AP4M1: variants seen among roughly 807,000 people sequenced by gnomAD.
AP4M1 encodes adaptor related protein complex 4 subunit mu 1.
A neutral mutation model predicts 62.4 loss-of-function variants in AP4M1; 58 were observed. The ratio of observed to expected loss-of-function variants is 0.93; its 90% CI spans 0.75 to 1.16. AP4M1 has a LOEUF of 1.16. Among genes scored for constraint, AP4M1 ranks in the 50% most tolerant of loss-of-function variants. The pLI is 0.00. For synonymous variants in AP4M1, 290 were observed against 239.7 expected (o/e 1.21, Z -1.94); for missense variants, 626 against 585.4 (o/e 1.07, Z -0.72).
chr7:100,101,337 T>G (rs780947160), upstream of AP4M1: 25 of 1,611,978 alleles, frequency 1.6e-5, no homozygotes, highest in Admixed American at 2.0e-4. Context: ...GGCTCAGAGG[T>G]CTTGCTCCTG....
At chr7:100,102,390 CGGGGTA>C in intron 2 of AP4M1, 1 of 464,184 alleles carries the variant, frequency 2.2e-6, no homozygotes, top group South Asian at 2.1e-5. Flanking sequence ...GACTCCCTCT[CGGGGTA>C]GGTGGGGGTG....
Position 100,107,400 on chromosome 7 carries a change from G to T in AP4M1, c.*518G>T. ...CGGGGACGATGCCGGGGGAGGAACT[G>T]GAGAAGGATGGGAGGTGGGGCCTCC... On this transcript the variant is annotated 3_prime_UTR_variant, in exon 15 of 15. Transcript: ENST00000359593. The T allele has an allele frequency of 6.2e-7, 1 of 1,602,286 alleles. No homozygotes were observed.
intron 14 of AP4M1, 48 bp downstream of exon 14, chr7:100,106,562 G>GCCCCCCCCCCCC: frequency 7.9e-6 from 12 of 1,514,818 alleles, no homozygotes; most frequent in Non-Finnish European, 1.0e-5. Context: ...TTCACTTGCA[G>GCCCCCCCCCCCC]CCCCCACCCC....
rs1327799067 is a variant in AP4M1, at chr7:100,106,283, G to A, written c.1017G>A (p.Gly339=). 2 of 1,613,906 alleles carry A rather than the reference G, an allele frequency of 1.2e-6. No individual in the cohort carries two copies. The highest frequency in any genetic ancestry group is 1.7e-5 in the Admixed American group (1 of 59,994). Residue 339 remains glycine (G), a synonymous_variant, in exon 13 of 15, where the codon GGG becomes GGA. Transcript: ENST00000359593. ...GGCTGCACCTCCCCCTGCCTCGAGG[G>A]GTGGTCAGGTGAGTGTGTGCACCCA... ...NVRLHLPLPR[G]VVSLSQELSS... is the part of the protein sequence containing the mutation.
At chr7:100,100,869 A>C, upstream of AP4M1, 2 of 1,032,248 alleles carry the variant, frequency 1.9e-6, no homozygotes, top group Non-Finnish European at 1.2e-6. Context: ...CCCGGGGCCT[A>C]CGCGCGCCTG....
chr7:100,101,749 G>A lies in AP4M1; in HGVS notation c.35G>A (p.Gly12Glu). 6.2e-7 allele frequency: 1 copy of A among 1,613,852 alleles called. No individual in the cohort carries two copies. Among genetic ancestry groups the A allele is most frequent in the Non-Finnish European group, 8.5e-7 (1 of 1,179,870 alleles). Residue 12 changes from glycine to glutamate, a missense_variant, in exon 1 of 15, where the codon GGG becomes GAG. Coordinates refer to ENST00000359593, the MANE Select transcript of AP4M1 (RefSeq NM_004722.4). The stretch of plus-strand genomic sequence containing the variant: ...CAATTCTTCATTCTGTCCTCCAAGG[G>A]GGACCCGCTCATCTACAAAGACTGT... ...ISQFFILSSK[G>E]DPLIYKDFRG...
rs111787773 is a variant in AP4M1 at position 100,107,240 on chromosome 7, G to A, written c.*358G>A. 48 of 1,521,190 alleles carry A rather than the reference G, an allele frequency of 3.2e-5. No homozygotes were observed. Among genetic ancestry groups the A allele is most frequent in the Non-Finnish European group, 4.2e-5 (48 of 1,137,936 alleles). 94.2% of individuals were successfully genotyped at this position (1,521,190 alleles called of 1,614,324 possible). ...TGTGGGAATCCGGGGGCTGGCAGGT[G>A]GAGCATCACGGAGCAGGCTGAGGGG... On this transcript the variant is annotated 3_prime_UTR_variant, in exon 15 of 15. Transcript: ENST00000359593.
In AP4M1 at chr7:100,105,098, G is replaced by A. The variant is rs1554380093; in HGVS notation, c.727G>A (p.Gly243Ser). The A allele has an allele frequency of 6.2e-7, 1 of 1,614,146 alleles. No individual in the cohort carries two copies. Among genetic ancestry groups the A allele is most frequent in the South Asian group, 1.1e-5 (1 of 91,088 alleles). The change falls in exon 9 of 15, where the codon GGT (glycine) becomes AGT (serine). Residue 243 changes from glycine (G) to serine (S), a missense_variant and splice_region_variant. Physicochemically the swap from Gly to Ser is moderately conservative, Grantham distance 56. Transcript: ENST00000359593. ...TTGTGTGGGGAAGTCAGAGCTGAGA[G>A]GTGAGGAGAAAGTGGGTCTTTCTCC... ...EFCVGKSELR[G>S]YGPGIRVDEV... is the part of the protein sequence containing the mutation.
Position 100,105,504 on chromosome 7 carries a change from C to G in AP4M1, c.894C>G (p.Leu298=), listed in dbSNP as rs747839303. Residue 298 remains leucine, a synonymous_variant, in exon 11 of 15, where the codon CTC becomes CTG. Transcript: ENST00000359593. ...DDLPSPLPFR[L]FPSVQWDRGS... ...TCCCCTCACCGCTCCCCTTCCGGCT[C>G]TTCCCCTCTGTGCAGTGGGACCGAG... 1 of 1,613,860 alleles carries G rather than the reference C, an allele frequency of 6.2e-7. No individual in the cohort carries two copies. Among genetic ancestry groups the G allele is most frequent in the Non-Finnish European group, 8.5e-7 (1 of 1,180,050 alleles).
intron 2 of AP4M1, 148 bp from the exon 3 acceptor site, chr7:100,102,527 G>A: frequency 1.4e-6 from 1 of 719,180 alleles, no homozygotes; most frequent in South Asian, 1.5e-5. Flanking sequence ...ACATTGGGAA[G>A]CTGGGCCCAG....
chr7:100,106,747 C>T lies in AP4M1; in HGVS notation c.1227C>T (p.Phe409=), dbSNP rs778934013. 3.3e-5 allele frequency: 53 copies of T among 1,613,944 alleles called. No individual in the cohort carries two copies. The highest frequency in any genetic ancestry group is 3.8e-5 in the Non-Finnish European group (45 of 1,180,052). ...PLGLGPASLS[F]ELPRHTCSGL... ...GGCTGGGCCCTGCCAGTCTCTCCTT[C>T]GAGCTTCCCCGGCACACGTGCTCTG... The change falls in exon 15 of 15, where the codon TTC becomes TTT. Residue 409 remains phenylalanine (F), a synonymous_variant. Transcript: ENST00000359593.
chr7:100,102,115 T>G (rs1796093684), intron 2 of AP4M1, 147 bp downstream of exon 2: 1 of 892,282 alleles, frequency 1.1e-6, no homozygotes. Context: ...GCGCGGTGGC[T>G]CACGCCTGTA....
In AP4M1 at chr7:100,105,944, T is replaced by C. The variant is rs1796436026; in HGVS notation, c.930-15T>C. On this transcript the variant is annotated splice_polypyrimidine_tract_variant and intron_variant, in intron 11 of 14. Transcript: ENST00000359593. Reference sequence around the variant, plus strand: ...GAAGATGGCCTGAGTCGTGGTGTTTTACCCTCTCATCCAGGCTCCAGGTTT... The same window carrying C: ...GAAGATGGCCTGAGTCGTGGTGTTTCACCCTCTCATCCAGGCTCCAGGTTT... 1 of 1,614,004 alleles carries C rather than the reference T, an allele frequency of 6.2e-7. No homozygotes were observed. The highest frequency in any genetic ancestry group is 8.5e-7 in the Non-Finnish European group (1 of 1,179,980).
intron 2 of AP4M1, 79 bp downstream of exon 2, chr7:100,102,047 C>A (rs1461934645): frequency 2.0e-6 from 3 of 1,495,600 alleles, no homozygotes; most frequent in South Asian, 1.1e-5. Context: ...AGGACTGGTT[C>A]ATTGGTAGAT....
chr7:100,102,135 C>T (rs1420303593), intron 2 of AP4M1, 167 bp downstream of exon 2: 1 of 745,246 alleles, frequency 1.3e-6, no homozygotes, highest in East Asian at 2.7e-5. Context: ...AATCCCAGCA[C>T]TTTGGGAGAC....
At position 100,108,123 on chromosome 7, in the gene AP4M1, G is replaced by A. The variant is rs1230633909; in HGVS notation, c.*1241G>A. 3 of 1,593,810 alleles carry A rather than the reference G, an allele frequency of 1.9e-6. No homozygotes were observed. Among genetic ancestry groups the A allele is most frequent in the East Asian group, 4.5e-5 (2 of 44,332 alleles). Reference sequence around the variant, plus strand: ...TGCGAGAGGGTCAGCGTGGGCCGGGGCTGCGGGGAGAAGAGGAAAGGGGGA... The same window carrying A: ...TGCGAGAGGGTCAGCGTGGGCCGGGACTGCGGGGAGAAGAGGAAAGGGGGA... On this transcript the variant is annotated 3_prime_UTR_variant, in exon 15 of 15. Coordinates refer to ENST00000359593, the MANE Select transcript of AP4M1 (RefSeq NM_004722.4).
Position 100,107,801 on chromosome 7 carries a change from T to TGGGC in AP4M1, c.*921_*924dup, listed in dbSNP as rs1796701197. The TGGGC allele has an allele frequency of 7.2e-7, 1 of 1,382,428 alleles. No individual in the cohort carries two copies. Among genetic ancestry groups the TGGGC allele is most frequent in the Non-Finnish European group, 9.7e-7 (1 of 1,030,192 alleles). The allele number at this position is 1,382,428 out of a possible 1,614,324, so 85.6% of individuals were successfully genotyped here. A position where few individuals can be genotyped will look rare whatever the true frequency, so the allele number is the denominator to read the frequency against. On this transcript the variant is annotated 3_prime_UTR_variant, in exon 15 of 15. Transcript: ENST00000359593. ...CAGCTACAGCCCTGCAGGACCCTGG[T>TGGGC]GGGCGCCTCTTCCAGCTCTTGACTT... is the stretch of plus-strand genomic sequence containing the variant.
At position 100,107,436 on chromosome 7, in the gene AP4M1, C is replaced by T; in HGVS notation, c.*554C>T. 6.2e-7 allele frequency: 1 copy of T among 1,611,766 alleles called. No individual in the cohort carries two copies. Among genetic ancestry groups the T allele is most frequent in the South Asian group, 1.1e-5 (1 of 91,008 alleles). ...GGAGGTGGGGCCTCCTTTGCCCTCCCCTGTTGGGGGAAGTGAGACCACGAT... is the reference window on the plus strand; with the variant it reads ...GGAGGTGGGGCCTCCTTTGCCCTCCTCTGTTGGGGGAAGTGAGACCACGAT... On this transcript the variant is annotated 3_prime_UTR_variant, in exon 15 of 15. Transcript: ENST00000359593.
Position 100,102,920 on chromosome 7 carries a change from G to T in AP4M1, c.311G>T (p.Arg104Leu). The T allele has an allele frequency of 6.2e-7, 1 of 1,614,082 alleles. No homozygotes were observed. The highest frequency in any genetic ancestry group is 8.5e-7 in the Non-Finnish European group (1 of 1,180,008). The change falls in exon 4 of 15, where the codon CGC becomes CTC. Residue 104 changes from arginine to leucine, a missense_variant. By Grantham distance (102) the Arg-to-Leu change is moderately radical (BLOSUM62 -2). Coordinates refer to ENST00000359593, the MANE Select transcript of AP4M1 (RefSeq NM_004722.4). ...TCCCTGGGCGAGGGGACCATCTCCC[G>T]CAATGTGGCTCTGGTATACGAACTC... ...CGSLGEGTIS[R>L]NVALVYELLD...
Sources: gnomAD v4.1 joint callset for allele counts on GRCh38, gnomAD v4.1.1 for gene constraint, MANE v1.5 for transcripts, NCBI Gene and HGNC (gene_info 2026-07-23, HGNC 2026-07-21) for gene names.